The following HEMK2 variants were observed in gnomAD, a reference collection of about 807,000 sequenced individuals.
HEMK2 encodes HemK methyltransferase 2, ETF1 glutamine and histone H4 lysine.
the HEMK2 span, among the ~76,000 whole-genome samples, chr21:28,853,485 A>AAACTCAAGCAGTTAT: frequency 4.9e-3 from 740 of 152,306 alleles, 5 homozygotes; most frequent in African/African-American, 0.017. Context: ...ATAAATTAGA[A>AAACTCAAGCAGTTAT]AACTCAAGCA....
chr21:28,834,789 G>T, the HEMK2 span, among the ~76,000 whole-genome samples: 1 of 152,144 alleles, frequency 6.6e-6, no homozygotes, highest in East Asian at 1.9e-4. Flanking sequence ...GAAATGAATG[G>T]GGATCTGGTG....
the HEMK2 span, among the ~76,000 whole-genome samples, chr21:28,845,946 C>G: frequency 6.6e-6 from 1 of 152,126 alleles, no homozygotes; most frequent in Non-Finnish European, 1.5e-5. Context: ...AAACCCTCGT[C>G]CCACCCTCTG....
chr21:28,706,787 A>G, the HEMK2 span, among the ~76,000 whole-genome samples: 4 of 35,244 alleles, frequency 1.1e-4, no homozygotes, highest in African/African-American at 3.0e-3. Flanking sequence ...TCTGAACCAC[A>G]AAAAAACTGA....
the HEMK2 span, among the ~76,000 whole-genome samples, chr21:28,613,721 C>T: frequency 7.4e-6 from 1 of 135,938 alleles, no homozygotes. Context: ...AGTCATTTAG[C>T]TTAATGTGTC....
At chr21:28,839,426 A>T in the HEMK2 span, among the ~76,000 whole-genome samples, 1 of 152,176 alleles carries the variant, frequency 6.6e-6, no homozygotes, top group African/African-American at 2.4e-5. Flanking sequence ...AGAGGAAGTC[A>T]AACTGTCACT....
chr21:28,690,120 A>C, the HEMK2 span, among the ~76,000 whole-genome samples: 1 of 152,222 alleles, frequency 6.6e-6, no homozygotes, highest in South Asian at 2.1e-4. Context: ...AAACCATCAG[A>C]TCTAGAAAGA....
At chr21:28,594,633 C>A in the HEMK2 span, among the ~76,000 whole-genome samples, 4 of 152,162 alleles carry the variant, frequency 2.6e-5, no homozygotes, top group Non-Finnish European at 5.9e-5. Context: ...GTAGTTGTAA[C>A]TTTCATTATA....
At chr21:28,876,537 T>C in the HEMK2 span, 5 of 1,257,456 alleles carry the variant, frequency 4.0e-6, no homozygotes, top group Non-Finnish European at 5.6e-6. Context: ...CATTTGGTAG[T>C]GTGCATGATC....
At chr21:28,869,071 T>C in the HEMK2 span, among the ~76,000 whole-genome samples, 1,109 of 152,280 alleles carry the variant, frequency 7.3e-3, 13 homozygotes, top group African/African-American at 0.025. Context: ...CTGATTCTTA[T>C]AGGGAATGCT....
the HEMK2 span, among the ~76,000 whole-genome samples, chr21:28,622,738 C>G: frequency 6.6e-6 from 1 of 152,108 alleles, no homozygotes; most frequent in Non-Finnish European, 1.5e-5. Flanking sequence ...GAAAAGGATT[C>G]CCTATTTAAT....
At chr21:28,785,827 C>T in the HEMK2 span, among the ~76,000 whole-genome samples, 7 of 152,192 alleles carry the variant, frequency 4.6e-5, no homozygotes, top group Non-Finnish European at 7.3e-5. Context: ...ATGACCATCT[C>T]CCGTATACAC....
chr21:28,834,396 G>A, the HEMK2 span, among the ~76,000 whole-genome samples: 3 of 152,214 alleles, frequency 2.0e-5, no homozygotes, highest in Admixed American at 6.5e-5. Context: ...CACTGGAGAA[G>A]CTGAAGGTCT....
chr21:28,877,007 GGAA>G, the HEMK2 span, among the ~76,000 whole-genome samples: 2 of 26,200 alleles, frequency 7.6e-5, no homozygotes, highest in Non-Finnish European at 1.9e-4. Flanking sequence ...GAGGGAGGGA[GGAA>G]GGAAGGAAGG....
chr21:28,758,400 G>A, the HEMK2 span, among the ~76,000 whole-genome samples: 5 of 152,092 alleles, frequency 3.3e-5, no homozygotes, highest in Admixed American at 3.3e-4. Context: ...TCATAGCAAA[G>A]GAGTAAAAGT....
the HEMK2 span, among the ~76,000 whole-genome samples, chr21:28,806,456 C>T: frequency 3.8e-4 from 58 of 152,186 alleles, no homozygotes; most frequent in African/African-American, 1.3e-3. Flanking sequence ...ATGTTGAAAT[C>T]CTAACCTCCA....
chr21:28,858,684 C>A, the HEMK2 span, among the ~76,000 whole-genome samples: 1 of 151,970 alleles, frequency 6.6e-6, no homozygotes, highest in African/African-American at 2.4e-5. Flanking sequence ...TGTTGCCTTG[C>A]CTCTTTATTT....
the HEMK2 span, among the ~76,000 whole-genome samples, chr21:28,732,746 T>G: frequency 3.2e-4 from 48 of 152,272 alleles, 1 homozygote; most frequent in Admixed American, 5.9e-4. Flanking sequence ...CCAAATCATC[T>G]GAGATTCTCC....
At chr21:28,648,836 C>G in the HEMK2 span, among the ~76,000 whole-genome samples, 1 of 152,026 alleles carries the variant, frequency 6.6e-6, no homozygotes, top group African/African-American at 2.4e-5. Context: ...GCACAACGTG[C>G]AGGTTAGCTA....
the HEMK2 span, among the ~76,000 whole-genome samples, chr21:28,731,907 T>G: frequency 6.6e-6 from 1 of 152,210 alleles, no homozygotes; most frequent in Non-Finnish European, 1.5e-5. Flanking sequence ...CCTGCAGCCA[T>G]GAACCTTGCC....
Sources: allele counts gnomAD v4.1 joint callset (sites outside exome capture counted in the v4.1 genomes callset), GRCh38; gene constraint gnomAD v4.1.1; transcripts MANE v1.5; gene names NCBI Gene and HGNC (gene_info 2026-07-23, HGNC 2026-07-21).